The following MORF4L1 variants were observed in gnomAD, a reference collection of about 807,000 sequenced individuals.
MORF4L1 encodes mortality factor 4-like protein 1.
In MORF4L1, 4 loss-of-function variants were observed where a neutral mutation model predicts 52.9. The ratio of observed to expected loss-of-function variants is 0.08; its 90% confidence interval spans 0.04 to 0.17. The LOEUF (loss-of-function observed/expected upper bound fraction) is 0.17, where lower values mean the gene tolerates loss of function less well. MORF4L1 is among the 10% of genes least tolerant of loss of function. The probability of loss-of-function intolerance (pLI) is 1.00; values close to 1 mark genes in which losing one functional copy is unlikely to be tolerated. For synonymous variants in MORF4L1, 123 were observed against 134.8 expected (o/e 0.91, Z 0.61); for missense variants, 214 against 390.4 (o/e 0.55, Z 3.81).
rs971327818 is a variant in MORF4L1, at chr15:78,878,378, C to G, written c.87+119C>G. On this transcript the variant is annotated intron_variant, in intron 2 of 11. Transcript: ENST00000426013. ...GTAAGAGAGTTGCCTTTTTTAGGTTCGTAGTTAATAAATTTCTTCATCTTT... is the reference window on the plus strand; with the variant it reads ...GTAAGAGAGTTGCCTTTTTTAGGTTGGTAGTTAATAAATTTCTTCATCTTT... 5.5e-6 allele frequency: 4 copies of G among 725,490 alleles called. No individual in the cohort carries two copies. In the Admixed American group the frequency reaches 1.1e-4, roughly 20 times the overall value. The allele number at this position is 725,490 out of a possible 1,614,324, so 44.9% of individuals were successfully genotyped here. A position where few individuals can be genotyped will look rare whatever the true frequency, so the allele number is the denominator to read the frequency against.
chr15:78,893,942 C>G lies in MORF4L1; in HGVS notation c.630-116C>G, dbSNP rs950388858. The G allele has an allele frequency of 4.9e-6, 5 of 1,024,332 alleles. No individual in the cohort carries two copies. In the African/African-American group the frequency reaches 8.2e-5, roughly 17 times the overall value. The allele number at this position is 1,024,332 out of a possible 1,614,324, so 63.5% of individuals were successfully genotyped here. A position where few individuals can be genotyped will look rare whatever the true frequency, so the allele number is the denominator to read the frequency against. On this transcript the variant is annotated intron_variant, in intron 9 of 11. Transcript: ENST00000426013. ...GCTTTCATATGCCCTTTAAAAAAAT[C>G]TCAGCTATGGTTCATTATTACTAGC...
Position 78,872,986 on chromosome 15 carries a change from G to A in MORF4L1, c.-32G>A, listed in dbSNP as rs1289893218. The A allele has an allele frequency of 2.6e-6, 4 of 1,548,948 alleles. No homozygotes were observed. The highest frequency in any genetic ancestry group is 2.6e-6 in the Non-Finnish European group (3 of 1,146,406). On this transcript the variant is annotated 5_prime_UTR_variant, in exon 1 of 12. Transcript: ENST00000426013. ...GTAGGGGGCGGTAGTCGGGGGTGGT[G>A]GGAGAAGGAGGAGGCGGCGAATCAC...
chr15:78,890,022 A>C (rs1267068729), intron 5 of MORF4L1, among the ~76,000 whole-genome samples: 2 of 152,136 alleles, frequency 1.3e-5, no homozygotes, highest in African/African-American at 2.4e-5. Flanking sequence ...CAGGAGTTTG[A>C]GACCAGCCTG....
At chr15:78,885,854 G>A (rs916742089) in intron 3 of MORF4L1, among the ~76,000 whole-genome samples, 5 of 152,158 alleles carry the variant, frequency 3.3e-5, no homozygotes, top group African/African-American at 1.2e-4. Context: ...TAATCACTTA[G>A]TGAATCTTAC....
chr15:78,893,402 G>T (rs1001300785), intron 8 of MORF4L1, 137 bp from the exon 9 acceptor site: 11 of 602,000 alleles, frequency 1.8e-5, no homozygotes, highest in African/African-American at 5.6e-5. Context: ...CATTATCCAT[G>T]TTTTAAGTGC....
At chr15:78,885,222 A>G (rs1425269220) in intron 3 of MORF4L1, 2 of 600,756 alleles carry the variant, frequency 3.3e-6, no homozygotes, top group Non-Finnish European at 5.5e-6. Flanking sequence ...TTTTTTTGTA[A>G]TTGGGTGCCT....
chr15:78,880,741 T>G (rs1422431544), intron 3 of MORF4L1, among the ~76,000 whole-genome samples, 162 bp downstream of exon 3: 3 of 152,198 alleles, frequency 2.0e-5, no homozygotes. Context: ...TATTAGAAAT[T>G]AGGGTACTGA....
rs555324278 is a variant in MORF4L1, at chr15:78,892,052, G to T, written c.439-160G>T. On this transcript the variant is annotated intron_variant, in intron 7 of 11. Transcript: ENST00000426013. ...TTCTTTTCTCCCAACAGCGAACCGC[G>T]TATGGTCGTTTTTATTAATGATTTT... Among the ~76,000 whole-genome samples the T allele has an allele frequency of 1.7e-4, 26 of 152,284 alleles. No individual in the cohort carries two copies. The South Asian group carries it at 5.4e-3, about 32-fold the overall frequency.
At chr15:78,877,632 T>TTAGTCTTGAAGTAGGCTCA (rs2056520206) in intron 1 of MORF4L1, 1 of 152,368 alleles carries the variant, frequency 6.6e-6, no homozygotes, top group Admixed American at 6.5e-5. Flanking sequence ...CGTAGACTGT[T>TTAGTCTTGAAGTAGGCTCA]ACGTTCCAAA....
chr15:78,897,231 C>T lies in MORF4L1; in HGVS notation c.*164C>T, dbSNP rs962887077. On this transcript the variant is annotated 3_prime_UTR_variant, in exon 12 of 12. Transcript: ENST00000426013. The stretch of plus-strand genomic sequence containing the variant: ...AAAAAATAAAAGGGGGTAATAGCTC[C>T]TTTTTTCTTCTTTCTTTTTTTTTTT... The T allele has an allele frequency of 1.2e-4, 57 of 495,290 alleles. No individual in the cohort carries two copies. Among genetic ancestry groups the T allele is most frequent in the Admixed American group, 6.9e-4 (19 of 27,680 alleles). 30.7% of individuals were successfully genotyped at this position (495,290 alleles called of 1,614,324 possible). A position where few individuals can be genotyped will look rare whatever the true frequency, so the allele number is the denominator to read the frequency against.
In MORF4L1 at chr15:78,891,524, T is replaced by G. The variant is rs2056801360; in HGVS notation, c.390T>G (p.Pro130=). 1 of 1,614,136 alleles carries G rather than the reference T, an allele frequency of 6.2e-7. No individual in the cohort carries two copies. Among genetic ancestry groups the G allele is most frequent in the African/African-American group, 1.3e-5 (1 of 75,038 alleles). ...ATGGTGGCAGTACCAGTGAGACCCC[T>G]CAGCCTCCTCGGAAGAAAAGGGCCC... ...NGDGGSTSET[P]QPPRKKRARV... Residue 130 remains proline (P), a synonymous_variant, in exon 7 of 12, where the codon CCT becomes CCG. Transcript: ENST00000426013.
chr15:78,873,241 T>G (rs993351825), intron 1 of MORF4L1, 184 bp downstream of exon 1: 19 of 1,507,146 alleles, frequency 1.3e-5, no homozygotes, highest in Non-Finnish European at 1.7e-5. Flanking sequence ...GAGAAAGCGC[T>G]TTGTGAAGCG....
At chr15:78,884,456 A>G (rs1459334852) in intron 3 of MORF4L1, among the ~76,000 whole-genome samples, 3 of 151,934 alleles carry the variant, frequency 2.0e-5, no homozygotes, top group East Asian at 1.9e-4. Context: ...CCTGACCAAC[A>G]TGGAGAAACC....
intron 6 of MORF4L1, 114 bp downstream of exon 6, chr15:78,891,128 TAGG>T: frequency 8.1e-7 from 1 of 1,237,332 alleles, no homozygotes. Context: ...TTATCTCAAA[TAGG>T]AGTCTCACAG....
chr15:78,887,711 C>G (rs2056730325), intron 5 of MORF4L1, among the ~76,000 whole-genome samples: 1 of 152,212 alleles, frequency 6.6e-6, no homozygotes, highest in African/African-American at 2.4e-5. Flanking sequence ...TTTGGTGAAA[C>G]TCATGGTAAG....
At chr15:78,884,521 C>T (rs1049865046) in intron 3 of MORF4L1, among the ~76,000 whole-genome samples, 52 of 151,808 alleles carry the variant, frequency 3.4e-4, no homozygotes, top group African/African-American at 9.7e-4. Context: ...TGCCTGTAAT[C>T]CCAATTACTC....
intron 1 of MORF4L1, chr15:78,874,057 A>G (rs142230815): frequency 1.3e-5 from 2 of 152,300 alleles, no homozygotes; most frequent in African/African-American, 4.8e-5. Context: ...GTAAGGTTAG[A>G]CTGACTCCCA....
intron 10 of MORF4L1, 117 bp downstream of exon 10, chr15:78,894,347 A>T: frequency 1.3e-6 from 1 of 763,724 alleles, no homozygotes; most frequent in Non-Finnish European, 2.0e-6. Context: ...TTGAACTTTT[A>T]TCTAGAATGT....
Position 78,884,974 on chromosome 15 carries a change from G to T in MORF4L1, c.156-1167G>T, listed in dbSNP as rs1186927462. ...CTATGCTGTCTGTATCAGAAGTGCT[G>T]TGAGGCCCAGGCGCTCTGAAAAATC... On this transcript the variant is annotated intron_variant, in intron 3 of 11. Coordinates refer to ENST00000426013, the MANE Select transcript of MORF4L1 (RefSeq NM_006791.4). The T allele has an allele frequency of 2.9e-5, 46 of 1,613,464 alleles. No individual in the cohort carries two copies. Among genetic ancestry groups the T allele is most frequent in the Non-Finnish European group, 3.4e-5 (40 of 1,179,792 alleles).
Sources: gnomAD v4.1 joint callset for allele counts (sites outside exome capture counted in the v4.1 genomes callset) on GRCh38, gnomAD v4.1.1 for gene constraint, MANE v1.5 for transcripts, NCBI Gene and HGNC (gene_info 2026-07-23, HGNC 2026-07-21) for gene names.